Variants in ARHGEF9 observed in about 807,000 individuals in gnomAD.
The protein encoded by ARHGEF9 is rho guanine nucleotide exchange factor 9.
Under a neutral mutation model 41.3 loss-of-function variants are expected in ARHGEF9, and 2 were observed. The observed-to-expected ratio is 0.05, with a 90% CI of 0.02 to 0.15. ARHGEF9 has a LOEUF of 0.15. ARHGEF9 is among the 10% of genes least tolerant of loss of function. The pLI is 1.00. For synonymous variants in ARHGEF9, 160 were observed against 154.4 expected (o/e 1.04, Z -0.27); for missense variants, 225 against 424.7 (o/e 0.53, Z 4.13).
Position 63,777,887 on chromosome X carries a change from C to T in ARHGEF9, c.30+7229G>A, listed in dbSNP as rs145001161. The stretch of plus-strand genomic sequence containing the variant: ...CCCTCTGGCTTTGCAGGGTACAGTC[C>T]CCCTCCAGGCTGCCTTCATGGCTGG... On this transcript the variant is annotated intron_variant, in intron 1 of 9. Transcript: ENST00000671741. Among the ~76,000 whole-genome samples, 883 of 112,744 alleles carry T rather than the reference C, an allele frequency of 7.8e-3. 5 individuals are homozygous for T. Among genetic ancestry groups the T allele is most frequent in the Non-Finnish European group, 0.01 (537 of 53,276 alleles).
intron 1 of ARHGEF9, chrX:63,754,714 G>T: frequency 2.1e-6 from 2 of 956,573 alleles, no homozygotes; most frequent in Non-Finnish European, 2.6e-6. Context: ...GTTAGAGAAG[G>T]GCTGGGTTTG....
intron 3 of ARHGEF9, among the ~76,000 whole-genome samples, chrX:63,704,553 GA>G (rs1167300230): frequency 8.9e-6 from 1 of 111,951 alleles, no homozygotes; most frequent in Non-Finnish European, 1.9e-5. Flanking sequence ...GATGTGAAGG[GA>G]GGAGGAAGAA....
chrX:63,735,443 G>A (rs1369430997), intron 1 of ARHGEF9, among the ~76,000 whole-genome samples: 2 of 111,630 alleles, frequency 1.8e-5, no homozygotes, highest in African/African-American at 6.5e-5. Context: ...CAGGCAGAGG[G>A]TGGGTGGGCA....
chrX:63,725,516 C>T (rs2053907709), intron 1 of ARHGEF9, among the ~76,000 whole-genome samples: 1 of 111,763 alleles, frequency 8.9e-6, no homozygotes, highest in African/African-American at 3.3e-5. Context: ...GCTAACCCTG[C>T]TCACTAGACT....
intron 8 of ARHGEF9, among the ~76,000 whole-genome samples, chrX:63,645,621 T>C (rs2047988850): frequency 8.9e-6 from 1 of 112,184 alleles, no homozygotes; most frequent in Admixed American, 9.5e-5. Flanking sequence ...CTTAATCCAG[T>C]CTATCATTGT....
chrX:63,654,425 A>G (rs1362758338), intron 8 of ARHGEF9, among the ~76,000 whole-genome samples: 4 of 111,560 alleles, frequency 3.6e-5, no homozygotes, highest in Non-Finnish European at 7.5e-5. Flanking sequence ...AGCCAGCAAC[A>G]TTTATATGCC....
intron 1 of ARHGEF9, among the ~76,000 whole-genome samples, chrX:63,781,611 C>T (rs1249639501): frequency 3.6e-5 from 4 of 111,686 alleles, no homozygotes; most frequent in Admixed American, 9.5e-5. Context: ...TAGATCATCT[C>T]CACCATTATC....
At chrX:63,756,631 T>A (rs1248457744) in intron 1 of ARHGEF9, among the ~76,000 whole-genome samples, 2 of 112,669 alleles carry the variant, frequency 1.8e-5, no homozygotes, top group Non-Finnish European at 3.7e-5. Flanking sequence ...TACTGTTTCA[T>A]GATGCTTTTG....
intron 4 of ARHGEF9, among the ~76,000 whole-genome samples, chrX:63,696,248 T>C (rs2051739351): frequency 8.9e-6 from 1 of 111,907 alleles, no homozygotes; most frequent in Non-Finnish European, 1.9e-5. Context: ...TTGTGTGTCA[T>C]TTGAATTTTA....
chrX:63,643,528 G>C (rs1464619152), intron 9 of ARHGEF9, among the ~76,000 whole-genome samples: 3 of 110,127 alleles, frequency 2.7e-5, no homozygotes, highest in African/African-American at 9.9e-5. Context: ...TGTATTTTTA[G>C]TAGAGGCGGG....
Position 63,686,171 on chromosome X carries a change from G to C in ARHGEF9, c.583-7599C>G, listed in dbSNP as rs183984568. Among the ~76,000 whole-genome samples the C allele has an allele frequency of 1.8e-3, 199 of 111,855 alleles. 1 individual carries two copies. The highest frequency in any genetic ancestry group is 2.0e-3 in the Non-Finnish European group (107 of 53,092). On this transcript the variant is annotated intron_variant, in intron 4 of 9. Coordinates refer to ENST00000671741, the MANE Select transcript of ARHGEF9 (RefSeq NM_001353921.2). Reference sequence around the variant, plus strand: ...GAAAATATGGTACTTCTACACAATGGAATAGTATTCAGCCATAAAAAGAAT... The same window carrying C: ...GAAAATATGGTACTTCTACACAATGCAATAGTATTCAGCCATAAAAAGAAT...
chrX:63,716,258 C>T (rs1324937154), intron 2 of ARHGEF9: 2 of 109,186 alleles, frequency 1.8e-5, no homozygotes, highest in African/African-American at 6.7e-5. Flanking sequence ...ACTACACTTC[C>T]AGCCAGGGCA....
At chrX:63,701,301 T>G (rs2052150469) in intron 3 of ARHGEF9, among the ~76,000 whole-genome samples, 2 of 110,431 alleles carry the variant, frequency 1.8e-5, no homozygotes, top group African/African-American at 3.3e-5. Context: ...AATGAAGACA[T>G]CGAAAAAGAT....
intron 2 of ARHGEF9, among the ~76,000 whole-genome samples, chrX:63,721,947 A>C (rs1201200889): frequency 2.8e-4 from 31 of 111,911 alleles, no homozygotes; most frequent in African/African-American, 1.0e-3. Context: ...CAGAGGAGAC[A>C]GGTGTGAATA....
intron 1 of ARHGEF9, among the ~76,000 whole-genome samples, chrX:63,738,848 T>C (rs11796269): frequency 2.1e-4 from 23 of 111,546 alleles, no homozygotes; most frequent in Non-Finnish European, 3.8e-4. Context: ...CTCCACTCAA[T>C]GTGTCACCCC....
intron 5 of ARHGEF9, 25 bp from the exon 6 acceptor site, chrX:63,674,192 T>C: frequency 8.3e-7 from 1 of 1,208,188 alleles, no homozygotes; most frequent in Non-Finnish European, 1.1e-6. Context: ...GAGTGCAAGT[T>C]GAACCAACCA....
At chrX:63,679,471 C>CA (rs2050479393) in intron 4 of ARHGEF9, among the ~76,000 whole-genome samples, 1 of 110,571 alleles carries the variant, frequency 9.0e-6, no homozygotes, top group Non-Finnish European at 1.9e-5. Context: ...AACTGATCAA[C>CA]AAAAAATCAA....
intron 2 of ARHGEF9, chrX:63,709,067 C>T (rs1192954733): frequency 3.6e-5 from 4 of 112,163 alleles, no homozygotes; most frequent in African/African-American, 1.3e-4. Flanking sequence ...CTTATCTGCC[C>T]TGGTTGAAAT....
intron 2 of ARHGEF9, among the ~76,000 whole-genome samples, chrX:63,718,316 A>G (rs1421048950): frequency 2.7e-5 from 3 of 111,760 alleles, no homozygotes; most frequent in African/African-American, 9.8e-5. Context: ...TACTGATGAA[A>G]AAAGAAAATA....
Sources: allele counts gnomAD v4.1 joint callset (sites outside exome capture counted in the v4.1 genomes callset), GRCh38; gene constraint gnomAD v4.1.1; transcripts MANE v1.5; gene names NCBI Gene and HGNC (gene_info 2026-07-23, HGNC 2026-07-21).